The following CSMD1 variants were observed in gnomAD, a reference collection of about 807,000 sequenced individuals.
The protein encoded by CSMD1 is CUB and sushi domain-containing protein 1.
A neutral mutation model predicts 417.5 loss-of-function variants in CSMD1; 213 were observed. That is an observed-to-expected ratio of 0.51 (90% CI 0.46 to 0.57). The LOEUF is 0.57. CSMD1 is among the 20% of genes least tolerant of loss of function. CSMD1 has a pLI of 0.00. For missense variants in CSMD1, 6,923 were observed against 4,529.7 expected (o/e 1.53, Z -15.17); for synonymous variants, 2,862 against 1,736.8 (o/e 1.65, Z -16.11).
At chr8:3,905,298 T>A (rs1483296075) in intron 5 of CSMD1, among the ~76,000 whole-genome samples, 1 of 152,178 alleles carries the variant, frequency 6.6e-6, no homozygotes, top group Non-Finnish European at 1.5e-5. Flanking sequence ...CTGAATAACT[T>A]AAAGAAGGTT....
chr8:4,797,929 T>C (rs746756584), intron 1 of CSMD1, among the ~76,000 whole-genome samples: 2 of 152,252 alleles, frequency 1.3e-5, no homozygotes, highest in Admixed American at 1.3e-4. Flanking sequence ...CAGATCTCCA[T>C]AAATGAAGAC....
At chr8:3,960,689 TA>T (rs1563256709) in intron 5 of CSMD1, among the ~76,000 whole-genome samples, 2 of 151,962 alleles carry the variant, frequency 1.3e-5, no homozygotes, top group Non-Finnish European at 2.9e-5. Flanking sequence ...TTTATAAAGA[TA>T]AATTTAATAA....
intron 3 of CSMD1, among the ~76,000 whole-genome samples, chr8:4,186,894 G>A (rs1798710723): frequency 6.6e-6 from 1 of 151,810 alleles, no homozygotes; most frequent in Non-Finnish European, 1.5e-5. Flanking sequence ...TACTCGGGAG[G>A]CTGAGGCAGG....
At chr8:4,714,181 A>G (rs1457680765) in intron 1 of CSMD1, among the ~76,000 whole-genome samples, 4 of 152,098 alleles carry the variant, frequency 2.6e-5, no homozygotes, top group African/African-American at 9.7e-5. Flanking sequence ...TGTTCTGCAC[A>G]CCAACACCAA....
intron 6 of CSMD1, among the ~76,000 whole-genome samples, chr8:3,745,141 A>G (rs1797005626): frequency 6.6e-6 from 1 of 152,254 alleles, no homozygotes; most frequent in African/African-American, 2.4e-5. Context: ...ACTACTTTCA[A>G]AACAAATTTC....
chr8:3,201,979 G>C (rs1176831178), intron 31 of CSMD1, among the ~76,000 whole-genome samples: 3 of 152,068 alleles, frequency 2.0e-5, no homozygotes, highest in Admixed American at 2.0e-4. Flanking sequence ...CATTAAATGA[G>C]GAATGTTTTT....
chr8:3,951,820 T>C (rs1209518685), intron 5 of CSMD1, among the ~76,000 whole-genome samples: 2 of 152,056 alleles, frequency 1.3e-5, no homozygotes, highest in African/African-American at 2.4e-5. Context: ...TGAAAAATAG[T>C]AACTCAAAGT....
chr8:3,786,416 G>T (rs553203421), intron 5 of CSMD1, among the ~76,000 whole-genome samples: 1 of 152,114 alleles, frequency 6.6e-6, no homozygotes, highest in Admixed American at 6.6e-5. Context: ...GAGTTTGGGG[G>T]ACCACAAAAG....
At chr8:4,560,484 C>T (rs73661535) in intron 2 of CSMD1, among the ~76,000 whole-genome samples, 3,584 of 152,248 alleles carry the variant, frequency 0.024, 161 homozygotes, top group African/African-American at 0.082. Context: ...TAACCTATAA[C>T]TGAATATCCT....
intron 26 of CSMD1, among the ~76,000 whole-genome samples, chr8:3,271,501 C>T (rs1474886163): frequency 1.4e-5 from 2 of 147,100 alleles, no homozygotes; most frequent in Non-Finnish European, 3.0e-5. Flanking sequence ...GACGAATGTC[C>T]ACACTGACTT....
intron 5 of CSMD1, among the ~76,000 whole-genome samples, chr8:3,847,220 G>A (rs1405406341): frequency 1.3e-5 from 2 of 152,052 alleles, no homozygotes; most frequent in African/African-American, 4.8e-5. Flanking sequence ...TTACATTACA[G>A]GGCAAAGGTG....
chr8:4,430,884 C>T (rs779801660), intron 2 of CSMD1, among the ~76,000 whole-genome samples: 3 of 152,150 alleles, frequency 2.0e-5, no homozygotes, highest in Non-Finnish European at 2.9e-5. Flanking sequence ...GTGATCAGCA[C>T]CAGCTTCTCC....
chr8:4,329,247 G>C (rs1427982419), intron 3 of CSMD1, among the ~76,000 whole-genome samples: 1 of 152,084 alleles, frequency 6.6e-6, no homozygotes, highest in Non-Finnish European at 1.5e-5. Context: ...CATATGCACA[G>C]AATACAAACA....
intron 60 of CSMD1, 45 bp from the exon 61 acceptor site, chr8:2,962,684 A>C: frequency 6.3e-7 from 1 of 1,581,750 alleles, no homozygotes; most frequent in Non-Finnish European, 8.6e-7. Flanking sequence ...ACGTCCCTGG[A>C]TCAGCTTCAC....
intron 5 of CSMD1, among the ~76,000 whole-genome samples, chr8:3,834,492 C>G (rs1038636544): frequency 7.2e-5 from 11 of 152,160 alleles, no homozygotes; most frequent in Non-Finnish European, 1.5e-4. Context: ...GTCAGTACCT[C>G]GGTACTTAAG....
At chr8:3,814,117 T>G (rs1385519378) in intron 5 of CSMD1, among the ~76,000 whole-genome samples, 2 of 152,228 alleles carry the variant, frequency 1.3e-5, no homozygotes, top group Non-Finnish European at 2.9e-5. Flanking sequence ...ACCCATGTTC[T>G]TTGCAATAAC....
At chr8:3,067,153 T>A (rs7815509) in intron 49 of CSMD1, among the ~76,000 whole-genome samples, 4 of 152,122 alleles carry the variant, frequency 2.6e-5, no homozygotes, top group Non-Finnish European at 4.4e-5. Flanking sequence ...CCTCTCGACC[T>A]GTCTGAGAGT....
chr8:3,954,363 G>T (rs1228197853), intron 5 of CSMD1, among the ~76,000 whole-genome samples: 1 of 150,718 alleles, frequency 6.6e-6, no homozygotes, highest in Non-Finnish European at 1.5e-5. Flanking sequence ...GGGATCCTAG[G>T]ACTTTTTTTT....
chr8:4,839,267 G>C (rs1032764178), intron 1 of CSMD1, among the ~76,000 whole-genome samples: 1 of 152,092 alleles, frequency 6.6e-6, no homozygotes, highest in Non-Finnish European at 1.5e-5. Context: ...CAATTATCTA[G>C]TCATTCATTC....
Sources: allele counts gnomAD v4.1 joint callset (sites outside exome capture counted in the v4.1 genomes callset), GRCh38; gene constraint gnomAD v4.1.1; transcripts MANE v1.5; gene names NCBI Gene and HGNC (gene_info 2026-07-23, HGNC 2026-07-21).